Variants in TXNRD2 observed in about 807,000 individuals in gnomAD.
TXNRD2 encodes the protein thioredoxin reductase 2, mitochondrial.
A neutral mutation model predicts 70.8 loss-of-function variants in TXNRD2; 67 were observed. The ratio of observed to expected loss-of-function variants is 0.95; its 90% CI spans 0.78 to 1.16. The LOEUF (loss-of-function observed/expected upper bound fraction) is 1.16. TXNRD2 is among the 50% of genes most tolerant of loss of function. The pLI is 0.00. For missense variants in TXNRD2, 644 were observed against 719.9 expected, an observed-to-expected ratio of 0.89 and a Z score of 1.21; for synonymous variants, 301 against 295.8, an observed-to-expected ratio of 1.02 and a Z score of -0.18.
At chr22:19,921,171 T>C (rs1481878139) in intron 2 of TXNRD2, among the ~76,000 whole-genome samples, 2 of 150,294 alleles carry the variant, frequency 1.3e-5, no homozygotes, top group African/African-American at 5.0e-5. Context: ...TCTCAACACT[T>C]TGGGAGGCCG....
At chr22:19,901,476 A>T (rs1481206507) in intron 8 of TXNRD2, among the ~76,000 whole-genome samples, 1 of 152,188 alleles carries the variant, frequency 6.6e-6, no homozygotes, top group Non-Finnish European at 1.5e-5. Flanking sequence ...GCTCGTGTGG[A>T]GGGTCATTTT....
intron 8 of TXNRD2, among the ~76,000 whole-genome samples, chr22:19,904,711 G>A (rs73877395): frequency 0.029 from 4,472 of 152,290 alleles, 93 homozygotes; most frequent in South Asian, 0.086. Flanking sequence ...AGGGCCTGGG[G>A]CCAGGGGGAC....
rs34489078 is a variant in TXNRD2, at chr22:19,881,030, G to C, written c.1087-313C>G. On this transcript the variant is annotated intron_variant, in intron 12 of 17. Coordinates refer to ENST00000400521, the MANE Select transcript of TXNRD2 (RefSeq NM_006440.5). ...TCTCTCCAAACCCCTTCTGCACATT[G>C]CTGACCTCGGAGGGCTGCCCCATGA... is the stretch of plus-strand genomic sequence containing the variant. The C allele has an allele frequency of 1.2e-4, 64 of 520,844 alleles. No individual in the cohort carries two copies. The Middle Eastern group carries it at 4.4e-3, about 36-fold the overall frequency. The allele number at this position is 520,844 out of a possible 1,614,324, so 32.3% of individuals were successfully genotyped here.
intron 11 of TXNRD2, among the ~76,000 whole-genome samples, chr22:19,890,014 T>G (rs1023861875): frequency 1.3e-5 from 2 of 152,212 alleles, no homozygotes; most frequent in Non-Finnish European, 2.9e-5. Flanking sequence ...CCGGCTGGCC[T>G]GTCAGATAGC....
Position 19,880,264 on chromosome 22 carries a change from G to A in TXNRD2, c.1190C>T (p.Thr397Met), listed in dbSNP as rs765979404. Residue 397 changes from threonine to methionine, a missense_variant, in exon 14 of 18, where the codon ACG becomes ATG. Physicochemically the swap from Thr to Met is moderately conservative, Grantham distance 81 (BLOSUM62 -1). Around this residue, in one of 3 missense-constraint regions of TXNRD2, gnomAD observed 566 missense variants for 645.0 expected, o/e 0.88. Coordinates refer to ENST00000400521, the MANE Select transcript of TXNRD2 (RefSeq NM_006440.5). The stretch of plus-strand genomic sequence containing the variant: ...ATACTCCAGCGGGGTGAAGACGGTC[G>A]TGGGAACCTGAAAGCAGGTCTGGAG... Reference protein sequence around the residue: ...SDLMDYDNVPTTVFTPLEYGC... With the variant: ...SDLMDYDNVPMTVFTPLEYGC... The A allele has an allele frequency of 2.4e-5, 38 of 1,613,406 alleles. No homozygotes were observed. The highest frequency in any genetic ancestry group is 3.0e-5 in the Non-Finnish European group (35 of 1,179,996).
intron 8 of TXNRD2, among the ~76,000 whole-genome samples, chr22:19,900,286 G>C (rs952476121): frequency 6.6e-6 from 1 of 152,056 alleles, no homozygotes; most frequent in Non-Finnish European, 1.5e-5. Flanking sequence ...CCCCGCTCAG[G>C]GCCGGCAACA....
intron 11 of TXNRD2, among the ~76,000 whole-genome samples, chr22:19,888,641 T>C (rs541019418): frequency 1.3e-5 from 2 of 151,716 alleles, no homozygotes; most frequent in South Asian, 2.1e-4. Flanking sequence ...AGGACGAGGG[T>C]GTGGGAGTGG....
At chr22:19,899,875 G>A (rs1039390322) in intron 8 of TXNRD2, among the ~76,000 whole-genome samples, 2 of 152,034 alleles carry the variant, frequency 1.3e-5, no homozygotes, top group South Asian at 2.1e-4. Flanking sequence ...ACATGCAAAC[G>A]GGCACAGAAC....
intron 1 of TXNRD2, among the ~76,000 whole-genome samples, chr22:19,931,780 A>C (rs1458071422): frequency 2.0e-5 from 3 of 152,148 alleles, no homozygotes; most frequent in Non-Finnish European, 2.9e-5. Flanking sequence ...TAGAATTACA[A>C]GCATGAGCCA....
intron 10 of TXNRD2, 105 bp from the exon 11 acceptor site, chr22:19,895,686 T>A (rs1939475628): frequency 7.4e-7 from 1 of 1,349,188 alleles, no homozygotes; most frequent in African/African-American, 1.4e-5. Flanking sequence ...GAGAGGGGTC[T>A]GTGCGGAAGA....
At chr22:19,926,211 C>T (rs1286368925) in intron 2 of TXNRD2, among the ~76,000 whole-genome samples, 1 of 149,686 alleles carries the variant, frequency 6.7e-6, no homozygotes, top group East Asian at 1.9e-4. Context: ...GCGAAGAGGC[C>T]AGGCACGGTG....
chr22:19,926,584 A>C (rs998941956), intron 2 of TXNRD2, among the ~76,000 whole-genome samples: 4 of 152,210 alleles, frequency 2.6e-5, no homozygotes, highest in Non-Finnish European at 4.4e-5. Context: ...GTTCAAGACC[A>C]GCCTGGCCAG....
At chr22:19,910,455 T>C (rs1488699234) in intron 8 of TXNRD2, among the ~76,000 whole-genome samples, 1 of 152,150 alleles carries the variant, frequency 6.6e-6, no homozygotes, top group Non-Finnish European at 1.5e-5. Context: ...GGGGACCCAC[T>C]GGAACCCCAG....
intron 16 of TXNRD2, 54 bp from the exon 17 acceptor site, chr22:19,877,288 A>C: frequency 6.7e-7 from 1 of 1,488,886 alleles, no homozygotes; most frequent in Non-Finnish European, 9.3e-7. Flanking sequence ...AGGGGGGTCC[A>C]CAGCATCCCA....
chr22:19,909,839 C>CACACA, intron 8 of TXNRD2, among the ~76,000 whole-genome samples: 1 of 45,352 alleles, frequency 2.2e-5, no homozygotes, highest in African/African-American at 8.9e-5. Context: ...CCACACACAC[C>CACACA]CACACCCTTC....
Position 19,915,281 on chromosome 22 carries a change from G to A in TXNRD2, c.529-5C>T, listed in dbSNP as rs766288973. On this transcript the variant is annotated splice_polypyrimidine_tract_variant and splice_region_variant and intron_variant, in intron 6 of 17. Coordinates refer to ENST00000400521, the MANE Select transcript of TXNRD2 (RefSeq NM_006440.5). ...GTGATCGGCTGACAGCAGAATCTGA[G>A]GAGAAAAAGAGAAAGCCGTGGGTCA... 3.4e-5 allele frequency: 55 copies of A among 1,613,238 alleles called. No homozygotes were observed. The highest frequency in any genetic ancestry group is 5.0e-5 in the Admixed American group (3 of 59,888).
chr22:19,933,026 G>A (rs1941423788), intron 1 of TXNRD2, among the ~76,000 whole-genome samples: 2 of 152,338 alleles, frequency 1.3e-5, no homozygotes, highest in South Asian at 2.1e-4. Flanking sequence ...GAGCCTAGAG[G>A]AGCCCTGGCT....
At chr22:19,913,010 C>T (rs1432125692) in intron 7 of TXNRD2, among the ~76,000 whole-genome samples, 1 of 152,214 alleles carries the variant, frequency 6.6e-6, no homozygotes, top group Non-Finnish European at 1.5e-5. Context: ...TACTTAGAGG[C>T]TTGGAGCAGG....
chr22:19,876,721 T>G (rs1402489758), intron 17 of TXNRD2: 2 of 165,210 alleles, frequency 1.2e-5, no homozygotes, highest in East Asian at 1.7e-4. Flanking sequence ...ATGCCCGACT[T>G]TAGCCCACCC....
Sources: allele counts gnomAD v4.1 joint callset (sites outside exome capture counted in the v4.1 genomes callset), GRCh38; gene constraint gnomAD v4.1.1; regional missense constraint gnomAD v4.1.1; transcripts MANE v1.5; gene names NCBI Gene and HGNC (gene_info 2026-07-23, HGNC 2026-07-21).